The following CYP4A11 variants were observed in gnomAD, a reference collection of about 807,000 sequenced individuals.
CYP4A11 encodes the protein cytochrome P450 family 4 subfamily A member 11.
CYP4A11 carries 52 observed loss-of-function variants against 57.7 expected under a neutral mutation model. That is an observed-to-expected ratio of 0.90 (90% CI 0.72 to 1.14). The LOEUF is 1.14. Among genes scored for constraint, CYP4A11 ranks in the 50% most tolerant of loss-of-function variants. The pLI is 0.00. For synonymous variants in CYP4A11, 228 were observed against 247.1 expected (o/e 0.92, Z 0.72); for missense variants, 641 against 642.1 (o/e 1.00, Z 0.02).
intron 6 of CYP4A11, among the ~76,000 whole-genome samples, 188 bp from the exon 7 acceptor site, chr1:46,934,747 T>C (rs1275254246): frequency 2.0e-5 from 3 of 152,122 alleles, no homozygotes; most frequent in Non-Finnish European, 4.4e-5. Flanking sequence ...GTGGCACAGT[T>C]CATGGAGGCT....
intron 11 of CYP4A11, among the ~76,000 whole-genome samples, chr1:46,930,840 G>T (rs1386274605): frequency 6.6e-6 from 1 of 152,054 alleles, no homozygotes; most frequent in Non-Finnish European, 1.5e-5. Flanking sequence ...AACTGGGTGG[G>T]TGATCCTCAG....
chr1:46,935,728 A>G, intron 4 of CYP4A11, 81 bp from the exon 5 acceptor site: 1 of 1,566,002 alleles, frequency 6.4e-7, no homozygotes, highest in African/African-American at 1.4e-5. Context: ...ATGTACCTGC[A>G]GATATCCTGT....
At chr1:46,940,983 C>T (rs1346500821) in intron 1 of CYP4A11, 1 of 985,272 alleles carries the variant, frequency 1.0e-6, no homozygotes, top group Non-Finnish European at 1.2e-6. Context: ...CCTCCACATG[C>T]AGGACTGCCA....
Position 46,934,165 on chromosome 1 carries a change from C to A in CYP4A11, c.1088+11G>T. On this transcript the variant is annotated intron_variant, in intron 8 of 11. Coordinates refer to ENST00000310638, the MANE Select transcript of CYP4A11 (RefSeq NM_000778.4). ...AAGGCAGGGAACCCCATCTTTTGAG[C>A]CCTCACTCACCAGGTGATGGAGGCT... The A allele has an allele frequency of 6.2e-7, 1 of 1,613,278 alleles. No individual in the cohort carries two copies. Among genetic ancestry groups the A allele is most frequent in the Non-Finnish European group, 8.5e-7 (1 of 1,179,624 alleles).
At chr1:46,934,887 G>A (rs1681279169) in intron 6 of CYP4A11, 113 bp downstream of exon 6, 1 of 1,510,196 alleles carries the variant, frequency 6.6e-7, no homozygotes, top group African/African-American at 1.4e-5. Context: ...TCCCCAGGCT[G>A]AGTGTGTTCT....
At chr1:46,931,609 T>C in intron 11 of CYP4A11, 1 of 693,948 alleles carries the variant, frequency 1.4e-6, no homozygotes, top group Non-Finnish European at 1.8e-6. Flanking sequence ...AAATGGACCT[T>C]AGGAATGCTC....
chr1:46,931,912 A>G lies in CYP4A11; in HGVS notation c.1364+849T>C, dbSNP rs570522860. ...ATTCTGGAGTTTTCCTCTCCAGCTC[A>G]AAAGCAATTTCAAGTGTGTTTTATA... On this transcript the variant is annotated intron_variant, in intron 11 of 11. Coordinates refer to ENST00000310638, the MANE Select transcript of CYP4A11 (RefSeq NM_000778.4). 104 of 983,908 alleles carry G rather than the reference A, an allele frequency of 1.1e-4. 1 individual carries two copies. In the South Asian group the frequency reaches 4.2e-3, roughly 40 times the overall value. 60.9% of individuals were successfully genotyped at this position (983,908 alleles called of 1,614,324 possible).
At chr1:46,930,386 C>G (rs1347587205) in intron 11 of CYP4A11, 76 bp from the exon 12 acceptor site, 2 of 1,512,860 alleles carry the variant, frequency 1.3e-6, no homozygotes, top group Non-Finnish European at 1.8e-6. Flanking sequence ...TGGCCCCTGA[C>G]CCCAGCCCTG....
Position 46,932,152 on chromosome 1 carries a change from A to C in CYP4A11, c.1364+609T>G. The C allele has an allele frequency of 4.1e-6, 4 of 986,574 alleles. No homozygotes were observed. The South Asian group carries it at 1.8e-4, about 46-fold the overall frequency. The allele number at this position is 986,574 out of a possible 1,614,324, so 61.1% of individuals were successfully genotyped here. A position where few individuals can be genotyped will look rare whatever the true frequency, so the allele number is the denominator to read the frequency against. On this transcript the variant is annotated intron_variant, in intron 11 of 11. Coordinates refer to ENST00000310638, the MANE Select transcript of CYP4A11 (RefSeq NM_000778.4). ...GTGAACACTATATAATGCAGTAAAA[A>C]TTTCATTGGGCAAGACAGAAGAATG...
At chr1:46,937,875 G>A in intron 2 of CYP4A11, 121 bp downstream of exon 2, 1 of 1,442,876 alleles carries the variant, frequency 6.9e-7, no homozygotes, top group African/African-American at 1.4e-5. Flanking sequence ...CTTGGTGGAT[G>A]CGTGGGAGAG....
At chr1:46,932,317 A>G in intron 11 of CYP4A11, 1 of 1,036,550 alleles carries the variant, frequency 9.6e-7, no homozygotes, top group Non-Finnish European at 1.2e-6. Flanking sequence ...TCTCTACGAC[A>G]GACTAGTGAA....
chr1:46,934,299 C>T lies in CYP4A11; in HGVS notation c.965G>A (p.Gly322Asp). ...GATCCCACTGGCTGTGGTGTCGTGG[C>T]CCTCAAACATGAACGTGTCCACCTC... ...RAEVDTFMFE[G>D]HDTTASGISW... Residue 322 changes from glycine (G) to aspartate (D), a missense_variant, in exon 8 of 12, where the codon GGC becomes GAC. Coordinates refer to ENST00000310638, the MANE Select transcript of CYP4A11 (RefSeq NM_000778.4). The T allele has an allele frequency of 6.2e-7, 1 of 1,610,448 alleles. No homozygotes were observed. The highest frequency in any genetic ancestry group is 8.5e-7 in the Non-Finnish European group (1 of 1,178,710).
intron 1 of CYP4A11, 164 bp downstream of exon 1, chr1:46,941,075 C>T (rs1466296337): frequency 1.4e-5 from 13 of 951,712 alleles, no homozygotes; most frequent in Non-Finnish European, 1.6e-5. Context: ...GAGAAGTGAG[C>T]TCCTCATGAC....
At chr1:46,940,919 T>G in intron 1 of CYP4A11, 1 of 985,358 alleles carries the variant, frequency 1.0e-6, no homozygotes, top group Non-Finnish European at 1.2e-6. Flanking sequence ...GCCTTGTTCT[T>G]TGATGAAAGC....
Position 46,932,745 on chromosome 1 carries a change from A to T in CYP4A11, c.1364+16T>A, listed in dbSNP as rs1456030058. The T allele has an allele frequency of 6.2e-7, 1 of 1,614,160 alleles. No individual in the cohort carries two copies. ...CCCTCATTCCTCTATTCGAATTACC[A>T]CACAGGACGTCTCACCTTGATCCTC... On this transcript the variant is annotated intron_variant, in intron 11 of 11. Coordinates refer to ENST00000310638, the MANE Select transcript of CYP4A11 (RefSeq NM_000778.4).
In CYP4A11 at chr1:46,936,791, C is replaced by T. The variant is rs1202868022; in HGVS notation, c.383G>A (p.Gly128Glu). The T allele has an allele frequency of 6.2e-7, 1 of 1,603,186 alleles. No homozygotes were observed. The highest frequency in any genetic ancestry group is 2.2e-5 in the East Asian group (1 of 44,548). Reference protein sequence around the residue: ...GSYRFLAPWIGYGLLLLNGQT... With the variant: ...GSYRFLAPWIEYGLLLLNGQT... ...CCCATTCAACAGGAGCAAGCCGTAC[C>T]CTAAGAGAGACATGAATGTGTGTTT... is the stretch of plus-strand genomic sequence containing the variant. Residue 128 changes from glycine (G) to glutamate (E), a missense_variant and splice_region_variant, in exon 4 of 12, where the codon GGG becomes GAG. Transcript: ENST00000310638.
chr1:46,941,346 G>T lies in CYP4A11; in HGVS notation c.88C>A (p.Leu30Met). Residue 30 changes from leucine (L) to methionine (M), a missense_variant, in exon 1 of 12, where the codon CTG (leucine) becomes ATG (methionine). Transcript: ENST00000310638. ...QAASLLILLL[L>M]LIKAVQLYLH... Reference sequence around the variant, plus strand: ...TAGAGCTGAACTGCCTTGATCAGCAGCAGAAGCAGAATGAGCAGGGAGGCC... The same window carrying T: ...TAGAGCTGAACTGCCTTGATCAGCATCAGAAGCAGAATGAGCAGGGAGGCC... The T allele has an allele frequency of 6.2e-7, 1 of 1,614,168 alleles. No individual in the cohort carries two copies. The highest frequency in any genetic ancestry group is 8.5e-7 in the Non-Finnish European group (1 of 1,180,034).
chr1:46,940,413 G>A (rs1416404207), intron 1 of CYP4A11, among the ~76,000 whole-genome samples: 2 of 152,204 alleles, frequency 1.3e-5, no homozygotes, highest in Non-Finnish European at 2.9e-5. Context: ...CTACACACCT[G>A]AGCTGATCAT....
rs1257789435 is a variant in CYP4A11, at chr1:46,939,848, A to C, written c.195+1391T>G. Among the ~76,000 whole-genome samples, 2 of 145,602 alleles carry C rather than the reference A, an allele frequency of 1.4e-5. 1 individual carries two copies. The highest frequency in any genetic ancestry group is 5.2e-5 in the African/African-American group (2 of 38,610). The stretch of plus-strand genomic sequence containing the variant: ...GGTAGTGAGTAACATATGGTAAAAG[A>C]GGAGAATGGGAAAGAAGGCAGAGTG... On this transcript the variant is annotated intron_variant, in intron 1 of 11. Coordinates refer to ENST00000310638, the MANE Select transcript of CYP4A11 (RefSeq NM_000778.4).
Sources: allele counts gnomAD v4.1 joint callset (sites outside exome capture counted in the v4.1 genomes callset), GRCh38; gene constraint gnomAD v4.1.1; transcripts MANE v1.5; gene names NCBI Gene and HGNC (gene_info 2026-07-23, HGNC 2026-07-21).